Variants in GDI2 observed in about 807,000 individuals in gnomAD.
GDI2 encodes the protein GDP dissociation inhibitor 2, also known as rab GDP dissociation inhibitor beta.
A neutral mutation model predicts 54.2 loss-of-function variants in GDI2; 22 were observed. The observed-to-expected ratio is 0.41, with a 90% CI of 0.29 to 0.58. GDI2 has a LOEUF of 0.58. GDI2 is among the 20% of genes least tolerant of loss of function. The probability of loss-of-function intolerance (pLI) is 0.35; values close to 1 mark genes in which losing one functional copy is unlikely to be tolerated. For missense variants in GDI2, 422 were observed against 546.0 expected (o/e 0.77, Z 2.26); for synonymous variants, 177 against 182.1 (o/e 0.97, Z 0.23).
intron 7 of GDI2, among the ~76,000 whole-genome samples, chr10:5,773,010 T>C (rs1002221670): frequency 6.6e-6 from 1 of 152,176 alleles, no homozygotes; most frequent in Non-Finnish European, 1.5e-5. Flanking sequence ...TAAATGAGTT[T>C]GAAAATGTGC....
chr10:5,775,984 C>T (rs1405405121), intron 6 of GDI2: 1 of 173,734 alleles, frequency 5.8e-6, no homozygotes, highest in Non-Finnish European at 1.2e-5. Context: ...CTGCATCGCG[C>T]TTCCCTGCAG....
intron 3 of GDI2, among the ~76,000 whole-genome samples, chr10:5,796,117 A>T (rs1841141907): frequency 6.6e-6 from 1 of 152,194 alleles, no homozygotes; most frequent in Admixed American, 6.6e-5. Context: ...TGGGAGGCTG[A>T]GGCGAGCAGG....
Position 5,766,649 on chromosome 10 carries a change from A to G in GDI2, c.992-11T>C. On this transcript the variant is annotated splice_polypyrimidine_tract_variant and intron_variant, in intron 8 of 10. Coordinates refer to ENST00000380191, the MANE Select transcript of GDI2 (RefSeq NM_001494.4). This position sits in a 1 kb window ranked among gnomAD's most constrained non-coding sequence, Gnocchi z 5.8. Reference sequence around the variant, plus strand: ...TGCAGACGTAGATATCTAGAAACAAATGATACCAGCTCACTGCCTCAAGTG... The same window carrying G: ...TGCAGACGTAGATATCTAGAAACAAGTGATACCAGCTCACTGCCTCAAGTG... The G allele has an allele frequency of 6.2e-7, 1 of 1,611,932 alleles. No individual in the cohort carries two copies. The highest frequency in any genetic ancestry group is 8.5e-7 in the Non-Finnish European group (1 of 1,177,976).
chr10:5,811,562 G>A (rs1291759275), intron 1 of GDI2, among the ~76,000 whole-genome samples: 1 of 151,520 alleles, frequency 6.6e-6, no homozygotes, highest in Non-Finnish European at 1.5e-5. Context: ...GGAACTAACC[G>A]GCTCTTAAAA....
Position 5,785,923 on chromosome 10 carries a change from A to G in GDI2, c.516T>C (p.Tyr172=). Reference sequence around the variant, plus strand: ...CGTCTTGACCCAAATCAAATTTCTTATACACATCTCGCATTGTGGTCTTCT... The same window carrying G: ...CGTCTTGACCCAAATCAAATTTCTTGTACACATCTCGCATTGTGGTCTTCT... ...DPKKTTMRDV[Y]KKFDLGQDVI... is the part of the protein sequence containing the mutation. Residue 172 remains tyrosine, a synonymous_variant, in exon 5 of 11, where the codon TAT becomes TAC. Transcript: ENST00000380191. The G allele has an allele frequency of 6.2e-7, 1 of 1,612,006 alleles. No individual in the cohort carries two copies. The highest frequency in any genetic ancestry group is 8.5e-7 in the Non-Finnish European group (1 of 1,178,082).
At chr10:5,785,349 A>G in intron 5 of GDI2, 76 bp from the exon 6 acceptor site, 1 of 1,074,652 alleles carries the variant, frequency 9.3e-7, no homozygotes, top group Non-Finnish European at 1.3e-6. Context: ...TTTTTTTTGA[A>G]GCGATTTCAA....
rs138756158 is a variant in GDI2, at chr10:5,782,118, A to T, written c.719+3024T>A. 9.8e-5 allele frequency among the ~76,000 whole-genome samples: 15 copies of T among 152,346 alleles called. No individual in the cohort carries two copies. The East Asian group carries it at 2.1e-3, about 22-fold the overall frequency. ...AGACTTGCCACCATCATACACCAAG[A>T]TCTCCTACAAGTCAAAAACAGAAAG... On this transcript the variant is annotated intron_variant, in intron 6 of 10. Transcript: ENST00000380191.
chr10:5,791,915 T>G (rs1173797672), intron 4 of GDI2, among the ~76,000 whole-genome samples: 2 of 152,062 alleles, frequency 1.3e-5, no homozygotes, highest in Non-Finnish European at 2.9e-5. Context: ...AAAACAGTCC[T>G]GTTTACACTG....
intron 5 of GDI2, 64 bp from the exon 6 acceptor site, chr10:5,785,337 A>C: frequency 7.9e-7 from 1 of 1,262,738 alleles, no homozygotes; most frequent in Non-Finnish European, 1.1e-6. Flanking sequence ...TTCAATTTAT[A>C]ATTTTTTTTG....
chr10:5,785,159 C>A lies in GDI2; in HGVS notation c.702G>T (p.Leu234=), dbSNP rs1484707051. The A allele has an allele frequency of 3.8e-6, 6 of 1,597,382 alleles. No individual in the cohort carries two copies. The highest frequency in any genetic ancestry group is 1.1e-5 in the South Asian group (1 of 87,592). The change falls in exon 6 of 11, where the codon CTG becomes CTT. Residue 234 remains leucine (L), a synonymous_variant. Coordinates refer to ENST00000380191, the MANE Select transcript of GDI2 (RefSeq NM_001494.4). The part of the protein sequence containing the change: ...YLYPLYGLGE[L]PQGFARLSAI... Reference sequence around the variant, plus strand: ...GCTCTTACCTTGCAAATCCTTGGGGCAGTTCTCCAAGGCCATAGAGTGGAT... The same window carrying A: ...GCTCTTACCTTGCAAATCCTTGGGGAAGTTCTCCAAGGCCATAGAGTGGAT...
At chr10:5,796,315 C>T (rs1368306586) in intron 3 of GDI2, among the ~76,000 whole-genome samples, 1 of 150,332 alleles carries the variant, frequency 6.7e-6, no homozygotes, top group Non-Finnish European at 1.5e-5. Flanking sequence ...TGCCACTGCA[C>T]TCCAGCCTGG....
intron 1 of GDI2, among the ~76,000 whole-genome samples, chr10:5,806,146 G>A (rs1017125551): frequency 7.9e-5 from 12 of 152,148 alleles, no homozygotes; most frequent in East Asian, 3.8e-4. Flanking sequence ...ACTTTTGTCC[G>A]CAGTGAGTCC....
intron 4 of GDI2, among the ~76,000 whole-genome samples, chr10:5,794,121 C>G (rs1236042533): frequency 7.0e-6 from 1 of 143,734 alleles, no homozygotes; most frequent in South Asian, 2.2e-4. Flanking sequence ...CCTCTGAGAT[C>G]GCGCCATCAC....
rs1840320555 is a variant in GDI2, at chr10:5,766,060, C to T, written c.1284G>A (p.Glu428=). 1 of 1,599,014 alleles carries T rather than the reference C, an allele frequency of 6.3e-7. No homozygotes were observed. The highest frequency in any genetic ancestry group is 8.5e-7 in the Non-Finnish European group (1 of 1,176,268). The change falls in exon 11 of 11, where the codon GAG becomes GAA. Residue 428 remains glutamate (E), a synonymous_variant. Coordinates refer to ENST00000380191, the MANE Select transcript of GDI2 (RefSeq NM_001494.4). This position sits in a 1 kb window ranked among gnomAD's most constrained non-coding sequence, Gnocchi z 5.8. ...KNIYKRMTGS[E]FDFEEMKRKK... ...TGCGCTTCATTTCCTCAAAGTCAAA[C>T]TCTGATCCTGTCATCCTCTTATAGA...
chr10:5,808,079 G>A (rs1245095888), intron 1 of GDI2, among the ~76,000 whole-genome samples: 2 of 152,192 alleles, frequency 1.3e-5, no homozygotes, highest in African/African-American at 4.8e-5. Context: ...GCTCACGCCT[G>A]TAATCCTAAC....
At chr10:5,809,047 C>T (rs1455138100) in intron 1 of GDI2, among the ~76,000 whole-genome samples, 5 of 152,022 alleles carry the variant, frequency 3.3e-5, no homozygotes, top group Non-Finnish European at 4.4e-5. Context: ...GAGTTCGAGA[C>T]CAGCCTGATC....
At chr10:5,806,653 T>C (rs1841386638) in intron 1 of GDI2, among the ~76,000 whole-genome samples, 1 of 152,112 alleles carries the variant, frequency 6.6e-6, no homozygotes, top group South Asian at 2.1e-4. Context: ...GAAGGTATTT[T>C]AACAACTACA....
chr10:5,786,084 C>CA (rs747640111), intron 4 of GDI2, 34 bp from the exon 5 acceptor site: 2 of 1,387,362 alleles, frequency 1.4e-6, no homozygotes, highest in African/African-American at 2.8e-5. Context: ...AAAGCACACT[C>CA]ACAATCAGAC....
At position 5,768,638 on chromosome 10, in the gene GDI2, G is replaced by A. The variant is rs997963023; in HGVS notation, c.820-254C>T. The A allele has an allele frequency of 1.8e-5, 7 of 379,502 alleles. No homozygotes were observed. Among genetic ancestry groups the A allele is most frequent in the African/African-American group, 4.1e-5 (2 of 48,618 alleles). 23.5% of individuals were successfully genotyped at this position (379,502 alleles called of 1,614,324 possible). ...GTACTGGCATAATGACAAACGTATGGACCAATGAAACGAGGAGAGAGCCAG... is the reference window on the plus strand; with the variant it reads ...GTACTGGCATAATGACAAACGTATGAACCAATGAAACGAGGAGAGAGCCAG... On this transcript the variant is annotated intron_variant, in intron 7 of 10. Transcript: ENST00000380191. The surrounding 1 kb of genome is among the most constrained non-coding windows in gnomAD (Gnocchi z 4.4).
Sources: allele counts gnomAD v4.1 joint callset (sites outside exome capture counted in the v4.1 genomes callset), GRCh38; gene constraint gnomAD v4.1.1; non-coding constraint Gnocchi (gnomAD v3.1); transcripts MANE v1.5; gene names NCBI Gene and HGNC (gene_info 2026-07-23, HGNC 2026-07-21).